ARNT2: variants seen among roughly 807,000 people sequenced by gnomAD.
ARNT2 encodes the protein ARNT protein 2.
ARNT2 carries 36 observed loss-of-function variants against 91.7 expected under a neutral mutation model. The observed-to-expected ratio is 0.39, with a 90% confidence interval of 0.30 to 0.52. The LOEUF is 0.52. ARNT2 is among the 20% of genes least tolerant of loss of function. The pLI is 0.72. For missense variants in ARNT2, 775 were observed against 939.3 expected, an observed-to-expected ratio of 0.83 and a Z score of 2.29; for synonymous variants, 365 against 347.1, an observed-to-expected ratio of 1.05 and a Z score of -0.57.
At chr15:80,505,927 G>GTTGTTTTT (rs1386691728) in intron 5 of ARNT2, among the ~76,000 whole-genome samples, 3 of 88,930 alleles carry the variant, frequency 3.4e-5, no homozygotes, top group Non-Finnish European at 4.3e-5. Context: ...AACATTTGTT[G>GTTGTTTTT]TTTTTTTTTT....
At chr15:80,445,261 T>C (rs1285622235) in intron 1 of ARNT2, 1 of 147,386 alleles carries the variant, frequency 6.8e-6, no homozygotes, top group Non-Finnish European at 1.5e-5. Flanking sequence ...GTGATGTGTA[T>C]GTGTGTTGAT....
intron 5 of ARNT2, among the ~76,000 whole-genome samples, chr15:80,486,919 C>T (rs557989820): frequency 1.3e-5 from 2 of 152,186 alleles, no homozygotes; most frequent in Admixed American, 6.5e-5. Flanking sequence ...CTTGCTGTAT[C>T]GATTCCTCTG....
Position 80,461,162 on chromosome 15 carries a change from A to G in ARNT2, c.194+3186A>G, listed in dbSNP as rs556688777. ...CCGAAGACAGAGATGTAAAAACTTT[A>G]GACCCCATTTGAGATTGTGGACCAC... On this transcript the variant is annotated intron_variant, in intron 3 of 18. Transcript: ENST00000303329. 9.5e-4 allele frequency among the ~76,000 whole-genome samples: 144 copies of G among 152,374 alleles called. 2 individuals are homozygous for G. Among genetic ancestry groups the G allele is most frequent in the African/African-American group, 3.3e-3 (138 of 41,586 alleles).
intron 5 of ARNT2, among the ~76,000 whole-genome samples, chr15:80,477,468 C>A (rs190510559): frequency 2.0e-5 from 3 of 152,156 alleles, no homozygotes; most frequent in African/African-American, 7.2e-5. Context: ...TTTCAGCGTA[C>A]GAATTTGGGG....
chr15:80,584,398 A>G (rs1039356065), intron 17 of ARNT2, among the ~76,000 whole-genome samples: 1 of 152,176 alleles, frequency 6.6e-6, no homozygotes, highest in Non-Finnish European at 1.5e-5. Flanking sequence ...GGTTAAGGAC[A>G]GAAGAAAGAG....
intron 1 of ARNT2, among the ~76,000 whole-genome samples, chr15:80,417,676 CT>C (rs375697016): frequency 6.6e-6 from 1 of 151,914 alleles, no homozygotes; most frequent in Non-Finnish European, 1.5e-5. Context: ...AACCCCCTCC[CT>C]TTTTTTAAAG....
chr15:80,558,931 C>T (rs1250895150), intron 11 of ARNT2, among the ~76,000 whole-genome samples: 2 of 152,160 alleles, frequency 1.3e-5, no homozygotes, highest in Non-Finnish European at 2.9e-5. Flanking sequence ...TGGTGGGGGC[C>T]TCCATTCTGT....
At position 80,492,020 on chromosome 15, in the gene ARNT2, C is replaced by T. The variant is rs77496137; in HGVS notation, c.623-16136C>T. On this transcript the variant is annotated intron_variant, in intron 5 of 18. Coordinates refer to ENST00000303329, the MANE Select transcript of ARNT2 (RefSeq NM_014862.4). ...TGGACTCTGTGCTATTCTGTTTATG[C>T]AGAGTGTCCTTCTTTCTTTCTTTCT... Among the ~76,000 whole-genome samples, 866 of 152,062 alleles carry T rather than the reference C, an allele frequency of 5.7e-3. 13 individuals are homozygous for T. The highest frequency in any genetic ancestry group is 0.019 in the African/African-American group (801 of 41,502).
intron 3 of ARNT2, among the ~76,000 whole-genome samples, chr15:80,467,000 G>A (rs902212583): frequency 1.3e-5 from 2 of 152,202 alleles, no homozygotes; most frequent in Admixed American, 6.5e-5. Context: ...AAGCAAGATG[G>A]TCTGTGCCAC....
chr15:80,506,005 C>T (rs572963731), intron 5 of ARNT2, among the ~76,000 whole-genome samples: 14 of 141,800 alleles, frequency 9.9e-5, no homozygotes, highest in African/African-American at 3.2e-4. Context: ...GGCGCAATCT[C>T]GGCTCACTGA....
intron 1 of ARNT2, among the ~76,000 whole-genome samples, chr15:80,438,734 G>A (rs1595962093): frequency 6.6e-6 from 1 of 152,160 alleles, no homozygotes; most frequent in East Asian, 1.9e-4. Flanking sequence ...CTGTCACGTG[G>A]GCTGCAGTGC....
chr15:80,478,773 C>T (rs149151854), intron 5 of ARNT2, among the ~76,000 whole-genome samples: 220 of 152,330 alleles, frequency 1.4e-3, no homozygotes, highest in South Asian at 0.013. Flanking sequence ...TTTCCTGGTG[C>T]TCAGGACAGG....
chr15:80,463,345 C>G (rs1317064912), intron 3 of ARNT2, among the ~76,000 whole-genome samples: 1 of 151,346 alleles, frequency 6.6e-6, no homozygotes, highest in Non-Finnish European at 1.5e-5. Flanking sequence ...AAGAGGAGCC[C>G]TTCCAAACTT....
chr15:80,522,745 G>A (rs1215030215), intron 8 of ARNT2, among the ~76,000 whole-genome samples: 1 of 144,732 alleles, frequency 6.9e-6, no homozygotes, highest in African/African-American at 2.8e-5. Context: ...TAATGACTGT[G>A]TGACTGTACA....
At chr15:80,515,298 C>A (rs1054671676) in intron 8 of ARNT2, among the ~76,000 whole-genome samples, 30 of 152,108 alleles carry the variant, frequency 2.0e-4, no homozygotes, top group South Asian at 2.1e-4. Context: ...TTCATAGCAA[C>A]ATCATTCATA....
rs138496338 is a variant in ARNT2, at chr15:80,593,686, G to A, written c.2142G>A (p.Pro714=). 129 of 1,604,012 alleles carry A rather than the reference G, an allele frequency of 8.0e-5. No homozygotes were observed. In the East Asian group the frequency reaches 2.0e-3, roughly 25 times the overall value. ...TTGCCGACCTGGGCATGTTTCCACC[G>A]TTTTCTGAGTAGCTGCGGCCAGAGT... The part of the protein sequence containing the change: ...EDFADLGMFP[P]FSE Residue 714 remains proline (P), a synonymous_variant, in exon 19 of 19, where the codon CCG becomes CCA. Transcript: ENST00000303329.
intron 12 of ARNT2, among the ~76,000 whole-genome samples, chr15:80,566,715 G>C (rs1898491756): frequency 6.6e-6 from 1 of 152,192 alleles, no homozygotes; most frequent in South Asian, 2.1e-4. Context: ...GAAATAACCT[G>C]TTCTCACTGG....
intron 11 of ARNT2, among the ~76,000 whole-genome samples, chr15:80,561,682 A>C (rs1428356769): frequency 6.6e-6 from 1 of 151,906 alleles, no homozygotes; most frequent in Non-Finnish European, 1.5e-5. Context: ...GTGCCTTCCC[A>C]CTCTGCCCAG....
In ARNT2 at chr15:80,593,663, G is replaced by A. The variant is rs1480764628; in HGVS notation, c.2119G>A (p.Ala707Thr). The change falls in exon 19 of 19, where the codon GCC becomes ACC. Residue 707 changes from alanine to threonine, a missense_variant. Ala to Thr is a moderately conservative substitution (Grantham distance 58). Around this residue, in one of 5 missense-constraint regions of ARNT2, gnomAD observed 325 missense variants for 359.9 expected, o/e 0.90. Transcript: ENST00000303329. The stretch of plus-strand genomic sequence containing the variant: ...TGGCAACTATAACATCGAAGACTTT[G>A]CCGACCTGGGCATGTTTCCACCGTT... ...GTGNYNIEDF[A>T]DLGMFPPFSE 1 of 1,606,906 alleles carries A rather than the reference G, an allele frequency of 6.2e-7. No homozygotes were observed.
Sources: gnomAD v4.1 joint callset for allele counts (sites outside exome capture counted in the v4.1 genomes callset) on GRCh38, gnomAD v4.1.1 for gene constraint, gnomAD v4.1.1 regional missense constraint, MANE v1.5 for transcripts, NCBI Gene and HGNC (gene_info 2026-07-23, HGNC 2026-07-21) for gene names.